UVRAG: variants seen among roughly 807,000 people sequenced by gnomAD.
UVRAG encodes the protein UV radiation resistance-associated gene protein.
Under a neutral mutation model 78.0 loss-of-function variants are expected in UVRAG, and 19 were observed. The ratio of observed to expected loss-of-function variants is 0.24; its 90% CI spans 0.17 to 0.36. The LOEUF (loss-of-function observed/expected upper bound fraction) is 0.36. UVRAG is among the 10% of genes least tolerant of loss of function. UVRAG has a pLI of 1.00. For missense variants in UVRAG, 740 were observed against 853.8 expected (o/e 0.87, Z 1.66); for synonymous variants, 323 against 324.6 (o/e 1.00, Z 0.05).
At chr11:75,827,479 C>G (rs559056333) in intron 1 of UVRAG, among the ~76,000 whole-genome samples, 1 of 151,922 alleles carries the variant, frequency 6.6e-6, no homozygotes, top group Non-Finnish European at 1.5e-5. Flanking sequence ...GGCGTGGTGG[C>G]GGGCACCTGT....
At chr11:75,994,391 G>A (rs940227009) in intron 8 of UVRAG, among the ~76,000 whole-genome samples, 14 of 152,092 alleles carry the variant, frequency 9.2e-5, no homozygotes, top group Non-Finnish European at 1.8e-4. Flanking sequence ...GACTTGGCCA[G>A]GAACACACAG....
At chr11:75,841,269 G>A (rs1372968695) in intron 1 of UVRAG, among the ~76,000 whole-genome samples, 3 of 152,256 alleles carry the variant, frequency 2.0e-5, no homozygotes, top group African/African-American at 7.2e-5. Flanking sequence ...CATAATATCT[G>A]TGTTTATCTA....
chr11:76,052,137 A>T (rs998640443), intron 12 of UVRAG, among the ~76,000 whole-genome samples: 1 of 152,178 alleles, frequency 6.6e-6, no homozygotes, highest in East Asian at 1.9e-4. Context: ...TATGAGCACT[A>T]TCTGTCTAAC....
At chr11:76,100,538 A>C (rs1320377972) in intron 13 of UVRAG, among the ~76,000 whole-genome samples, 1 of 152,166 alleles carries the variant, frequency 6.6e-6, no homozygotes, top group Non-Finnish European at 1.5e-5. Context: ...AGGTAGATAT[A>C]ATCTTTTTCA....
At chr11:75,844,352 C>T (rs1945988941) in intron 1 of UVRAG, among the ~76,000 whole-genome samples, 1 of 151,798 alleles carries the variant, frequency 6.6e-6, no homozygotes, top group Admixed American at 6.6e-5. Context: ...CTCAGCCTCC[C>T]AGTAGCTGGG....
chr11:76,126,676 ATCACCTAAATGTT>A (rs1748084226), intron 14 of UVRAG, among the ~76,000 whole-genome samples: 1 of 152,244 alleles, frequency 6.6e-6, no homozygotes, highest in South Asian at 2.1e-4. Context: ...GCCAAAAAAC[ATCACCTAAATGTT>A]TCCTTTTGCA....
At chr11:75,965,948 T>G (rs1366112346) in intron 7 of UVRAG, among the ~76,000 whole-genome samples, 1 of 152,146 alleles carries the variant, frequency 6.6e-6, no homozygotes, top group East Asian at 1.9e-4. Context: ...AATCCTCACC[T>G]TGTTCCTGGT....
chr11:76,034,082 A>G (rs1043548261), intron 12 of UVRAG, among the ~76,000 whole-genome samples: 1 of 152,134 alleles, frequency 6.6e-6, no homozygotes, highest in African/African-American at 2.4e-5. Flanking sequence ...CTTAGTTACC[A>G]TTATTGTGTT....
intron 3 of UVRAG, among the ~76,000 whole-genome samples, chr11:75,879,551 C>T (rs2134878102): frequency 6.6e-6 from 1 of 152,206 alleles, no homozygotes; most frequent in Non-Finnish European, 1.5e-5. Flanking sequence ...AAGTTGGAGC[C>T]TCTTTGAGGG....
At chr11:76,004,420 A>G (rs936451420) in intron 9 of UVRAG, among the ~76,000 whole-genome samples, 17 of 151,672 alleles carry the variant, frequency 1.1e-4, no homozygotes, top group African/African-American at 3.6e-4. Context: ...TTTTTTCAAT[A>G]ATTTTTTCAG....
chr11:76,073,906 A>G (rs1455131512), intron 13 of UVRAG, among the ~76,000 whole-genome samples: 1 of 152,144 alleles, frequency 6.6e-6, no homozygotes, highest in Non-Finnish European at 1.5e-5. Flanking sequence ...TAAACAACAC[A>G]TGGTAACAAT....
chr11:75,947,956 T>A (rs2135156175), intron 6 of UVRAG, among the ~76,000 whole-genome samples: 1 of 152,340 alleles, frequency 6.6e-6, no homozygotes, highest in East Asian at 1.9e-4. Flanking sequence ...AGGCACTGTA[T>A]TAGGCCTCAG....
At chr11:76,107,935 G>A (rs1951999815) in intron 13 of UVRAG, among the ~76,000 whole-genome samples, 1 of 151,994 alleles carries the variant, frequency 6.6e-6, no homozygotes, top group South Asian at 2.1e-4. Context: ...AATCTTTGAT[G>A]CATATGTGCA....
At chr11:76,117,468 T>C (rs1371349363) in intron 14 of UVRAG, among the ~76,000 whole-genome samples, 1 of 152,238 alleles carries the variant, frequency 6.6e-6, no homozygotes, top group Admixed American at 6.5e-5. Flanking sequence ...TGGCTAGCCA[T>C]CGATTAGTAT....
At chr11:76,048,397 T>G (rs1950803588) in intron 12 of UVRAG, among the ~76,000 whole-genome samples, 1 of 152,312 alleles carries the variant, frequency 6.6e-6, no homozygotes, top group South Asian at 2.1e-4. Flanking sequence ...AAATGAGATT[T>G]CGATGACTTG....
At chr11:76,103,537 G>GTTTT (rs11312309) in intron 13 of UVRAG, among the ~76,000 whole-genome samples, 5 of 132,214 alleles carry the variant, frequency 3.8e-5, no homozygotes, top group African/African-American at 1.1e-4. Flanking sequence ...TGCTGTTTTG[G>GTTTT]TTTTTTTTTT....
rs555590274 is a variant in UVRAG, at chr11:75,968,369, C to T, written c.699+6820C>T. 1.3e-4 allele frequency among the ~76,000 whole-genome samples: 20 copies of T among 152,232 alleles called. No individual in the cohort carries two copies. In the East Asian group the frequency reaches 3.1e-3, roughly 23 times the overall value. On this transcript the variant is annotated intron_variant, in intron 7 of 14. Transcript: ENST00000356136. ...TTGGAGTAAACAGATAAATAGAACACTGAAACTCATTAGAAGATTATGGAA... is the reference window on the plus strand; with the variant it reads ...TTGGAGTAAACAGATAAATAGAACATTGAAACTCATTAGAAGATTATGGAA...
intron 6 of UVRAG, among the ~76,000 whole-genome samples, chr11:75,926,830 GA>G (rs1376860139): frequency 1.3e-5 from 2 of 152,006 alleles, no homozygotes; most frequent in Non-Finnish European, 2.9e-5. Flanking sequence ...GGACTTTGGG[GA>G]TATAGTTGCC....
At chr11:75,953,652 C>T (rs185006445) in intron 6 of UVRAG, among the ~76,000 whole-genome samples, 70 of 152,212 alleles carry the variant, frequency 4.6e-4, no homozygotes, top group African/African-American at 1.5e-3. Flanking sequence ...TTGGCTTCAT[C>T]TCAGTTAATC....
Sources: gnomAD v4.1 joint callset for allele counts (sites outside exome capture counted in the v4.1 genomes callset) on GRCh38, gnomAD v4.1.1 for gene constraint, MANE v1.5 for transcripts, NCBI Gene and HGNC (gene_info 2026-07-23, HGNC 2026-07-21) for gene names.